GRID2: variants seen among roughly 807,000 people sequenced by gnomAD.
GRID2 encodes glutamate receptor ionotropic, delta-2.
In GRID2, 33 loss-of-function variants were observed where a neutral mutation model predicts 114.8. The ratio of observed to expected loss-of-function variants is 0.29; its 90% CI spans 0.22 to 0.38. GRID2 has a LOEUF of 0.38. Among genes scored for constraint, GRID2 ranks in the 10% least tolerant of loss-of-function variants. GRID2 has a pLI of 1.00. For missense variants in GRID2, 1,184 were observed against 1,257.7 expected (o/e 0.94, Z 0.89); for synonymous variants, 505 against 449.9 (o/e 1.12, Z -1.55).
intron 1 of GRID2, among the ~76,000 whole-genome samples, chr4:92,363,388 C>A (rs1728705746): frequency 6.6e-6 from 1 of 151,906 alleles, no homozygotes; most frequent in Admixed American, 6.6e-5. Context: ...GACTTCAGAA[C>A]AATAAGAACT....
chr4:93,442,815 A>G (rs1721744529), intron 10 of GRID2, among the ~76,000 whole-genome samples: 1 of 151,992 alleles, frequency 6.6e-6, no homozygotes, highest in Non-Finnish European at 1.5e-5. Context: ...TGCCTTCAGC[A>G]TTTTCCATTT....
intron 1 of GRID2, among the ~76,000 whole-genome samples, chr4:92,490,489 G>C (rs1289589999): frequency 6.6e-6 from 1 of 152,128 alleles, no homozygotes; most frequent in Non-Finnish European, 1.5e-5. Context: ...CTTTATTGAA[G>C]TGAATAGCAT....
At chr4:92,448,709 T>G (rs547825106) in intron 1 of GRID2, among the ~76,000 whole-genome samples, 2 of 152,178 alleles carry the variant, frequency 1.3e-5, no homozygotes, top group Admixed American at 6.5e-5. Flanking sequence ...CATGAAAAAT[T>G]CCAAAAATTT....
chr4:93,286,208 T>C (rs893459324), intron 8 of GRID2, among the ~76,000 whole-genome samples: 2 of 152,078 alleles, frequency 1.3e-5, no homozygotes, highest in African/African-American at 4.8e-5. Context: ...ACTGAGCTAG[T>C]TGTTCTCTGA....
At chr4:93,332,984 T>C (rs1325059933) in intron 8 of GRID2, among the ~76,000 whole-genome samples, 2 of 152,184 alleles carry the variant, frequency 1.3e-5, no homozygotes, top group Non-Finnish European at 2.9e-5. Context: ...TGATAAAACA[T>C]GCTTTATTCC....
At chr4:92,957,922 G>C (rs932210958) in intron 2 of GRID2, among the ~76,000 whole-genome samples, 1 of 151,946 alleles carries the variant, frequency 6.6e-6, no homozygotes, top group African/African-American at 2.4e-5. Flanking sequence ...AATGTAAATA[G>C]TGTGTGTTCT....
At chr4:93,631,570 A>G (rs1343539321) in intron 14 of GRID2, among the ~76,000 whole-genome samples, 2 of 152,044 alleles carry the variant, frequency 1.3e-5, no homozygotes, top group Non-Finnish European at 2.9e-5. Flanking sequence ...GCTGCATAGT[A>G]TTCCATGGTG....
intron 10 of GRID2, among the ~76,000 whole-genome samples, chr4:93,429,974 G>T (rs1261494198): frequency 6.6e-6 from 1 of 152,094 alleles, no homozygotes; most frequent in African/African-American, 2.4e-5. Context: ...CATTTTCTGA[G>T]AAAGAAAATG....
intron 2 of GRID2, among the ~76,000 whole-genome samples, chr4:93,042,827 A>C (rs983091895): frequency 6.6e-6 from 1 of 151,412 alleles, no homozygotes; most frequent in African/African-American, 2.4e-5. Context: ...CATGAAAGAG[A>C]CCATACCATA....
At chr4:93,348,413 A>G (rs1216992425) in intron 8 of GRID2, among the ~76,000 whole-genome samples, 1 of 152,204 alleles carries the variant, frequency 6.6e-6, no homozygotes, top group Non-Finnish European at 1.5e-5. Context: ...GTATGTCATA[A>G]TTACATATTA....
chr4:93,066,176 A>C (rs1728274934), intron 2 of GRID2, among the ~76,000 whole-genome samples: 1 of 151,950 alleles, frequency 6.6e-6, no homozygotes, highest in African/African-American at 2.4e-5. Flanking sequence ...ACACTGACCA[A>C]ATGTCATTAT....
intron 2 of GRID2, among the ~76,000 whole-genome samples, chr4:92,754,523 C>T (rs1380864434): frequency 1.3e-5 from 2 of 152,060 alleles, no homozygotes; most frequent in African/African-American, 4.8e-5. Flanking sequence ...TGTGAAATGG[C>T]AGTGATGATC....
rs571666247 is a variant in GRID2 at position 92,460,964 on chromosome 4, C to T, written c.89-129167C>T. On this transcript the variant is annotated intron_variant, in intron 1 of 15. Coordinates refer to ENST00000282020, the MANE Select transcript of GRID2 (RefSeq NM_001510.4). ...GACATTTGAAGCTTCATATATATAA[C>T]GCTAACCTATTTTCCTCCCTTCTTC... 8.6e-5 allele frequency among the ~76,000 whole-genome samples: 13 copies of T among 151,806 alleles called. No homozygotes were observed. In the East Asian group the frequency reaches 1.2e-3, roughly 14 times the overall value.
intron 11 of GRID2, among the ~76,000 whole-genome samples, chr4:93,468,689 T>C (rs911062316): frequency 6.6e-6 from 1 of 152,080 alleles, no homozygotes; most frequent in African/African-American, 2.4e-5. Flanking sequence ...TTGACCTTTG[T>C]AGACTTTCAC....
intron 14 of GRID2, among the ~76,000 whole-genome samples, chr4:93,768,621 A>T (rs958728388): frequency 6.6e-6 from 1 of 152,114 alleles, no homozygotes; most frequent in African/African-American, 2.4e-5. Context: ...TGTGCGAAAA[A>T]CCAAAAAAGA....
chr4:92,670,274 T>C (rs1264552188), intron 2 of GRID2, among the ~76,000 whole-genome samples: 1 of 152,016 alleles, frequency 6.6e-6, no homozygotes, highest in African/African-American at 2.4e-5. Context: ...CCGCATACTA[T>C]TATGTTGTCA....
chr4:92,314,867 A>C (rs1434182477), intron 1 of GRID2, among the ~76,000 whole-genome samples: 2 of 152,180 alleles, frequency 1.3e-5, no homozygotes, highest in African/African-American at 4.8e-5. Flanking sequence ...TTACAGGGCA[A>C]AGTTTATCAT....
intron 2 of GRID2, among the ~76,000 whole-genome samples, chr4:92,926,696 C>T (rs1378828170): frequency 6.6e-6 from 1 of 151,818 alleles, no homozygotes; most frequent in African/African-American, 2.4e-5. Flanking sequence ...CTGTTTTGTG[C>T]TGCTAAAAGA....
downstream of GRID2, among the ~76,000 whole-genome samples, chr4:93,775,571 C>T (rs1734353140): frequency 6.6e-6 from 1 of 152,186 alleles, no homozygotes; most frequent in South Asian, 2.1e-4. Context: ...CTGTTTCTGT[C>T]TACACTTGGT....
Sources: allele counts gnomAD v4.1 joint callset (sites outside exome capture counted in the v4.1 genomes callset), GRCh38; gene constraint gnomAD v4.1.1; transcripts MANE v1.5; gene names NCBI Gene and HGNC (gene_info 2026-07-23, HGNC 2026-07-21).